The following COL4A6 variants were observed in gnomAD, a reference collection of about 807,000 sequenced individuals.
COL4A6 encodes the protein collagen alpha-6(IV) chain.
Under a neutral mutation model 126.7 loss-of-function variants are expected in COL4A6, and 59 were observed. The observed-to-expected ratio is 0.47, with a 90% confidence interval of 0.38 to 0.58. The LOEUF is 0.58. Among genes scored for constraint, COL4A6 ranks in the 20% least tolerant of loss-of-function variants. The pLI is 0.00. For missense variants in COL4A6, 1,285 were observed against 1,337.3 expected (o/e 0.96, Z 0.61); for synonymous variants, 547 against 496.6 (o/e 1.10, Z -1.35).
intron 2 of COL4A6, among the ~76,000 whole-genome samples, chrX:108,427,190 C>T (rs1279083034): frequency 9.0e-6 from 1 of 111,672 alleles, no homozygotes; most frequent in African/African-American, 3.3e-5. Context: ...GAGTGCAGAG[C>T]AGGTCTCTTT....
At chrX:108,408,357 GA>G (rs1162739841) in intron 2 of COL4A6, among the ~76,000 whole-genome samples, 1 of 109,463 alleles carries the variant, frequency 9.1e-6, no homozygotes, top group East Asian at 2.9e-4. Flanking sequence ...AAGAAAGAAA[GA>G]AAGAAAGAAC....
chrX:108,354,743 T>A (rs764575443), intron 2 of COL4A6, among the ~76,000 whole-genome samples: 4 of 109,976 alleles, frequency 3.6e-5, no homozygotes, highest in African/African-American at 1.3e-4. Flanking sequence ...CAAGCAAATA[T>A]CATTTAGGAA....
At chrX:108,406,745 C>A (rs969452006) in intron 2 of COL4A6, among the ~76,000 whole-genome samples, 1 of 112,231 alleles carries the variant, frequency 8.9e-6, no homozygotes, top group Admixed American at 9.5e-5. Context: ...CCAATCTATC[C>A]TTTAGGATAT....
Position 108,219,750 on chromosome X carries a change from A to G in COL4A6, c.280-8T>C. 1 of 1,200,232 alleles carries G rather than the reference A, an allele frequency of 8.3e-7. No individual in the cohort carries two copies. The highest frequency in any genetic ancestry group is 1.1e-6 in the Non-Finnish European group (1 of 885,243). Reference sequence around the variant, plus strand: ...AGGAACTCCCATGGGACCCTAAAAAAAGGAGTAGGGAGAGGAATGTAAGAC... The same window carrying G: ...AGGAACTCCCATGGGACCCTAAAAAGAGGAGTAGGGAGAGGAATGTAAGAC... On this transcript the variant is annotated splice_region_variant and splice_polypyrimidine_tract_variant and intron_variant, in intron 4 of 44. Transcript: ENST00000334504.
chrX:108,281,840 C>T (rs1307594744), intron 3 of COL4A6, among the ~76,000 whole-genome samples: 8 of 110,571 alleles, frequency 7.2e-5, no homozygotes, highest in African/African-American at 2.3e-4. Flanking sequence ...GAAATAACGC[C>T]GCATGTCTAC....
intron 5 of COL4A6, among the ~76,000 whole-genome samples, chrX:108,216,962 T>C (rs1054822720): frequency 1.8e-5 from 2 of 112,537 alleles, no homozygotes; most frequent in South Asian, 7.3e-4. Flanking sequence ...ACTGAAAACA[T>C]TTGATAAACA....
chrX:108,219,552 C>A lies in COL4A6; in HGVS notation c.324+146G>T, dbSNP rs1481248489. On this transcript the variant is annotated intron_variant, in intron 5 of 44. Transcript: ENST00000334504. The stretch of plus-strand genomic sequence containing the variant: ...ATCCAAGGGCAATTGTGTGTGACCA[C>A]TGCCCTTTAAACCTCACCATACATA... 9.2e-6 allele frequency: 5 copies of A among 542,018 alleles called. No individual in the cohort carries two copies. In the East Asian group the frequency reaches 1.7e-4, roughly 18 times the overall value. The allele number at this position is 542,018 out of a possible 1,213,427, so 44.7% of individuals were successfully genotyped here. A position where few individuals can be genotyped will look rare whatever the true frequency, so the allele number is the denominator to read the frequency against.
At chrX:108,254,349 G>A (rs1047315097) in intron 3 of COL4A6, among the ~76,000 whole-genome samples, 2 of 110,981 alleles carry the variant, frequency 1.8e-5, no homozygotes. Flanking sequence ...TGAGCATGTC[G>A]GTGGCATACC....
At chrX:108,307,673 C>G (rs1187530151) in intron 3 of COL4A6, among the ~76,000 whole-genome samples, 1 of 112,096 alleles carries the variant, frequency 8.9e-6, no homozygotes, top group Non-Finnish European at 1.9e-5. Flanking sequence ...TTCCGTTGCC[C>G]TCCCAGCTCA....
At chrX:108,339,020 A>T (rs1195654074) in intron 2 of COL4A6, among the ~76,000 whole-genome samples, 1 of 111,392 alleles carries the variant, frequency 9.0e-6, no homozygotes, top group Admixed American at 9.5e-5. Context: ...CCCTGTGGCC[A>T]CACACCTGCT....
chrX:108,393,440 A>G (rs953504356), intron 2 of COL4A6, among the ~76,000 whole-genome samples: 1 of 112,286 alleles, frequency 8.9e-6, no homozygotes, highest in African/African-American at 3.2e-5. Context: ...GCAAATCTAT[A>G]GAGACAGAAA....
At chrX:108,364,704 G>A (rs1353512098) in intron 2 of COL4A6, among the ~76,000 whole-genome samples, 4 of 111,555 alleles carry the variant, frequency 3.6e-5, no homozygotes, top group Non-Finnish European at 7.5e-5. Flanking sequence ...TGTTTCACTC[G>A]GGATAATGGC....
At chrX:108,216,083 C>T (rs919232442) in intron 5 of COL4A6, among the ~76,000 whole-genome samples, 1 of 112,009 alleles carries the variant, frequency 8.9e-6, no homozygotes, top group African/African-American at 3.3e-5. Flanking sequence ...GACACCAAAA[C>T]CTTTGTCTGG....
At chrX:108,272,767 T>C (rs2037488105) in intron 3 of COL4A6, among the ~76,000 whole-genome samples, 1 of 110,115 alleles carries the variant, frequency 9.1e-6, no homozygotes, top group Admixed American at 9.7e-5. Context: ...TCTACTTCTA[T>C]CTGCCAATGG....
At chrX:108,348,706 G>T (rs957334427) in intron 2 of COL4A6, among the ~76,000 whole-genome samples, 2 of 111,420 alleles carry the variant, frequency 1.8e-5, no homozygotes, top group Non-Finnish European at 3.8e-5. Context: ...ATATCCTTTG[G>T]GGGGGAAAAG....
chrX:108,194,974 C>A, intron 15 of COL4A6, 108 bp downstream of exon 15: 1 of 616,172 alleles, frequency 1.6e-6, no homozygotes, highest in Non-Finnish European at 2.6e-6. Flanking sequence ...GGGAGATGAA[C>A]AATTTGCATT....
Position 108,221,299 on chromosome X carries a change from A to G in COL4A6, c.220T>C (p.Leu74=), listed in dbSNP as rs1329636758. ...CCTGGGAAACCCCTTTCTCCTTTCA[A>G]TCCCGATAAACCAGTAGAGCCAGTG... is the stretch of plus-strand genomic sequence containing the variant. ...GFTGSTGLSG[L]KGERGFPGLL... The change falls in exon 4 of 45, where the codon TTG becomes CTG. Residue 74 remains leucine (L), a synonymous_variant. Transcript: ENST00000334504. The G allele has an allele frequency of 1.7e-6, 2 of 1,210,097 alleles. No homozygotes were observed. Among genetic ancestry groups the G allele is most frequent in the Non-Finnish European group, 2.2e-6 (2 of 895,024 alleles).
intron 3 of COL4A6, among the ~76,000 whole-genome samples, chrX:108,264,848 A>G (rs2037257668): frequency 9.0e-6 from 1 of 111,362 alleles, no homozygotes; most frequent in African/African-American, 3.3e-5. Context: ...TGAAGTCTGC[A>G]AATGAGGAAA....
At chrX:108,158,261 C>A (rs1461358094) in intron 44 of COL4A6, among the ~76,000 whole-genome samples, 1 of 113,008 alleles carries the variant, frequency 8.8e-6, no homozygotes, top group Non-Finnish European at 1.9e-5. Flanking sequence ...GAGCCCCACA[C>A]CAAGGGGTAC....
Sources: gnomAD v4.1 joint callset for allele counts (sites outside exome capture counted in the v4.1 genomes callset) on GRCh38, gnomAD v4.1.1 for gene constraint, MANE v1.5 for transcripts, NCBI Gene and HGNC (gene_info 2026-07-23, HGNC 2026-07-21) for gene names.